The following DPP6 variants were observed in gnomAD, a reference collection of about 807,000 sequenced individuals.
DPP6 encodes dipeptidyl peptidase like 6.
Under a neutral mutation model 122.6 loss-of-function variants are expected in DPP6, and 69 were observed. The observed-to-expected ratio is 0.56, with a 90% CI of 0.46 to 0.69. The LOEUF is 0.69. Ranked by LOEUF, DPP6 falls within the 30% of genes least tolerant of loss-of-function variation. The pLI, the probability that DPP6 is intolerant of heterozygous loss-of-function variation, is 0.00. For synonymous variants in DPP6, 418 were observed against 433.1 expected, an observed-to-expected ratio of 0.97 and a Z score of 0.43; for missense variants, 928 against 1,116.9, an observed-to-expected ratio of 0.83 and a Z score of 2.41.
At chr7:153,929,771 T>C (rs761934399) in intron 1 of DPP6, among the ~76,000 whole-genome samples, 2 of 152,202 alleles carry the variant, frequency 1.3e-5, no homozygotes, top group Non-Finnish European at 1.5e-5. Context: ...TCTTGCTAAA[T>C]TACTGTTTGA....
chr7:153,962,103 G>T (rs1264740625), intron 1 of DPP6, among the ~76,000 whole-genome samples: 8 of 151,254 alleles, frequency 5.3e-5, no homozygotes, highest in Non-Finnish European at 8.8e-5. Context: ...GTCTTGTTCT[G>T]GAGGCAGGAT....
intron 1 of DPP6, among the ~76,000 whole-genome samples, chr7:154,002,777 G>A (rs1797744520): frequency 6.6e-6 from 1 of 152,150 alleles, no homozygotes; most frequent in African/African-American, 2.4e-5. Flanking sequence ...TAGAGCCTGA[G>A]TGACTGCTTG....
At chr7:154,208,305 A>G (rs1377363414) in intron 1 of DPP6, among the ~76,000 whole-genome samples, 1 of 152,200 alleles carries the variant, frequency 6.6e-6, no homozygotes, top group African/African-American at 2.4e-5. Flanking sequence ...TTGGCTAGAG[A>G]CAAGGAAGCA....
At chr7:153,771,891 T>C in the DPP6 span, among the ~76,000 whole-genome samples, 1 of 152,106 alleles carries the variant, frequency 6.6e-6, no homozygotes, top group Non-Finnish European at 1.5e-5. Context: ...AAAGAATATT[T>C]AAAAAGAAAC....
chr7:153,939,020 C>T (rs1006546723), intron 1 of DPP6, among the ~76,000 whole-genome samples: 1 of 152,194 alleles, frequency 6.6e-6, no homozygotes, highest in Admixed American at 6.5e-5. Flanking sequence ...TAATACAACA[C>T]ACCTCCCCAA....
chr7:153,919,962 G>A (rs186252436), intron 1 of DPP6, among the ~76,000 whole-genome samples: 7 of 152,286 alleles, frequency 4.6e-5, no homozygotes, highest in South Asian at 4.1e-4. Context: ...AGGAAGTAAC[G>A]TCACTAATAG....
chr7:154,007,993 G>A (rs1177642134), intron 1 of DPP6, among the ~76,000 whole-genome samples: 1 of 152,200 alleles, frequency 6.6e-6, no homozygotes, highest in African/African-American at 2.4e-5. Flanking sequence ...TGTGGGCAGT[G>A]TCCTCCCGGA....
chr7:153,830,567 A>C, the DPP6 span, among the ~76,000 whole-genome samples: 1 of 152,184 alleles, frequency 6.6e-6, no homozygotes, highest in Non-Finnish European at 1.5e-5. Context: ...AAGAATAAGA[A>C]GTGTCTGATT....
At chr7:154,807,460 A>T (rs915271400) in intron 16 of DPP6, among the ~76,000 whole-genome samples, 16 of 152,236 alleles carry the variant, frequency 1.1e-4, no homozygotes, top group African/African-American at 3.9e-4. Flanking sequence ...GATGAGCCAA[A>T]GCCATCAATC....
At chr7:154,281,642 TAG>T (rs1346478510) in intron 1 of DPP6, among the ~76,000 whole-genome samples, 1 of 152,188 alleles carries the variant, frequency 6.6e-6, no homozygotes, top group Non-Finnish European at 1.5e-5. Context: ...TAGGAGATCT[TAG>T]GATATTATGC....
intron 1 of DPP6, among the ~76,000 whole-genome samples, chr7:154,225,235 G>T (rs62484137): frequency 0.21 from 32,083 of 151,986 alleles, 6,101 homozygotes; most frequent in African/African-American, 0.51. Context: ...TTTATACCTC[G>T]AATCCCTTTT....
chr7:153,966,554 CTTTTTTTTTTTTTTT>C (rs753840054), intron 1 of DPP6, among the ~76,000 whole-genome samples: 63 of 41,308 alleles, frequency 1.5e-3, no homozygotes, highest in East Asian at 0.013. Flanking sequence ...CCTGTGTTGG[CTTTTTTTTTTTTTTT>C]TTTTTTTTTT....
At chr7:153,923,489 T>C (rs573847318) in intron 1 of DPP6, among the ~76,000 whole-genome samples, 51 of 151,868 alleles carry the variant, frequency 3.4e-4, no homozygotes, top group Non-Finnish European at 6.5e-4. Context: ...TGGCCCGGCG[T>C]GGTGGCTCAT....
chr7:154,489,890 AC>A (rs1384913362), intron 3 of DPP6, among the ~76,000 whole-genome samples: 1 of 150,036 alleles, frequency 6.7e-6, no homozygotes, highest in East Asian at 1.9e-4. Flanking sequence ...AACGAAAGAT[AC>A]GTTTCTGGAA....
chr7:154,872,443 G>A lies in DPP6; in HGVS notation c.1814-181G>A, dbSNP rs556081807. The stretch of plus-strand genomic sequence containing the variant: ...AAGCTTCACACAGGTCGGGTGACTT[G>A]CCCAAGGCCGCGCAGCAGGCCAGAG... On this transcript the variant is annotated intron_variant, in intron 18 of 25. Transcript: ENST00000377770. Among the ~76,000 whole-genome samples the A allele has an allele frequency of 2.0e-5, 3 of 152,352 alleles. No homozygotes were observed. The South Asian group carries it at 6.2e-4, about 32-fold the overall frequency.
intron 3 of DPP6, among the ~76,000 whole-genome samples, chr7:154,520,166 TA>T (rs150754298): frequency 0.011 from 1,699 of 152,314 alleles, 31 homozygotes; most frequent in African/African-American, 0.036. Flanking sequence ...GCAGAAAGAT[TA>T]AAATAATACT....
At chr7:154,648,094 T>TAAA (rs67145418) in intron 6 of DPP6, among the ~76,000 whole-genome samples, 2 of 146,544 alleles carry the variant, frequency 1.4e-5, no homozygotes, top group African/African-American at 2.5e-5. Context: ...CTATTAAAAT[T>TAAA]AAAAAAAAAA....
At chr7:154,745,247 G>T (rs990595256) in intron 8 of DPP6, among the ~76,000 whole-genome samples, 5 of 152,174 alleles carry the variant, frequency 3.3e-5, no homozygotes, top group African/African-American at 1.2e-4. Context: ...CCATAGTGGA[G>T]TGGGCTCAAC....
At chr7:154,382,158 C>T (rs1452411622) in intron 1 of DPP6, among the ~76,000 whole-genome samples, 1 of 147,522 alleles carries the variant, frequency 6.8e-6, no homozygotes, top group African/African-American at 2.5e-5. Context: ...GGTTTGCTTG[C>T]GAGTGACTCC....
Sources: allele counts gnomAD v4.1 joint callset (sites outside exome capture counted in the v4.1 genomes callset), GRCh38; gene constraint gnomAD v4.1.1; transcripts MANE v1.5; gene names NCBI Gene and HGNC (gene_info 2026-07-23, HGNC 2026-07-21).